Variants in ZBTB20 observed in about 807,000 individuals in gnomAD.
ZBTB20 encodes the protein zinc finger and BTB domain containing 20.
ZBTB20 carries 9 observed loss-of-function variants against 56.9 expected under a neutral mutation model. The ratio of observed to expected loss-of-function variants is 0.16; its 90% confidence interval spans 0.10 to 0.28. ZBTB20 has a LOEUF of 0.28. Ranked by LOEUF, ZBTB20 falls within the 10% of genes least tolerant of loss-of-function variation. The pLI is 1.00. For missense variants in ZBTB20, 655 were observed against 1,003.0 expected, an observed-to-expected ratio of 0.65 and a Z score of 4.69; for synonymous variants, 417 against 420.7, an observed-to-expected ratio of 0.99 and a Z score of 0.11.
chr3:114,492,225 A>G (rs1052631512), intron 7 of ZBTB20, among the ~76,000 whole-genome samples: 12 of 152,088 alleles, frequency 7.9e-5, no homozygotes, highest in African/African-American at 2.9e-4. Context: ...ATTTACCACT[A>G]TATGTCGATT....
intron 4 of ZBTB20, among the ~76,000 whole-genome samples, chr3:114,807,466 T>C (rs1042612498): frequency 6.6e-6 from 1 of 151,834 alleles, no homozygotes; most frequent in Admixed American, 6.6e-5. Context: ...CTTTTTTTTT[T>C]CCTCTAATTT....
intron 6 of ZBTB20, among the ~76,000 whole-genome samples, chr3:114,602,699 A>G (rs2056852799): frequency 6.6e-6 from 1 of 152,014 alleles, no homozygotes; most frequent in East Asian, 1.9e-4. Context: ...TGAAGACAAA[A>G]TATAGAGGAA....
chr3:114,705,313 A>G (rs1014414251), intron 5 of ZBTB20, among the ~76,000 whole-genome samples: 2 of 152,214 alleles, frequency 1.3e-5, no homozygotes, highest in Non-Finnish European at 2.9e-5. Context: ...TAGAGCAGGT[A>G]TAAGTTACAT....
At chr3:114,502,985 A>G (rs894973493) in intron 6 of ZBTB20, 4 of 152,194 alleles carry the variant, frequency 2.6e-5, no homozygotes, top group Non-Finnish European at 5.9e-5. Context: ...CTAAAATTAT[A>G]CCTAGTGTTT....
intron 7 of ZBTB20, among the ~76,000 whole-genome samples, chr3:114,483,096 T>C (rs942025429): frequency 1.1e-4 from 16 of 152,330 alleles, no homozygotes; most frequent in Admixed American, 1.3e-4. Flanking sequence ...TGAAGAGCCT[T>C]GACAGCATCT....
intron 5 of ZBTB20, among the ~76,000 whole-genome samples, chr3:114,799,439 T>C (rs1050992061): frequency 7.2e-5 from 11 of 151,764 alleles, no homozygotes; most frequent in African/African-American, 2.4e-4. Flanking sequence ...AGCAGAAAGG[T>C]TGTGTTTGGC....
chr3:114,984,974 G>C (rs1277294469), intron 2 of ZBTB20, among the ~76,000 whole-genome samples: 1 of 151,872 alleles, frequency 6.6e-6, no homozygotes, highest in Non-Finnish European at 1.5e-5. Context: ...TTTCATGATG[G>C]CTTCCCCTTC....
intron 1 of ZBTB20, among the ~76,000 whole-genome samples, chr3:115,113,471 T>C (rs1417854758): frequency 6.6e-6 from 1 of 152,234 alleles, no homozygotes; most frequent in Non-Finnish European, 1.5e-5. Flanking sequence ...CTCCTGCTTT[T>C]GGCACTGAAA....
intron 6 of ZBTB20, among the ~76,000 whole-genome samples, chr3:114,517,226 A>G (rs951940363): frequency 1.3e-5 from 2 of 152,232 alleles, no homozygotes; most frequent in South Asian, 4.1e-4. Context: ...TGTGTCAGAC[A>G]TCGTTCTAGG....
rs1486365342 is a variant in ZBTB20 at position 114,332,152 on chromosome 3, G to T, written c.*6853C>A. 6.7e-6 allele frequency: 1 copy of T among 149,068 alleles called. No homozygotes were observed. The highest frequency in any genetic ancestry group is 2.5e-5 in the African/African-American group (1 of 40,342). 9.2% of individuals were successfully genotyped at this position (149,068 alleles called of 1,614,324 possible). A position where few individuals can be genotyped will look rare whatever the true frequency, so the allele number is the denominator to read the frequency against. Reference sequence around the variant, plus strand: ...AAGAAACCTCTGAATTTGAAACAGGGTTAGTAGGGACTTTTATACCCAGCT... The same window carrying T: ...AAGAAACCTCTGAATTTGAAACAGGTTTAGTAGGGACTTTTATACCCAGCT... On this transcript the variant is annotated 3_prime_UTR_variant, in exon 12 of 12. Transcript: ENST00000675478.
At chr3:114,605,916 A>G (rs892591337) in intron 6 of ZBTB20, among the ~76,000 whole-genome samples, 1 of 152,164 alleles carries the variant, frequency 6.6e-6, no homozygotes, top group African/African-American at 2.4e-5. Context: ...GATGGTTGGG[A>G]ATGCCAAGAA....
intron 5 of ZBTB20, among the ~76,000 whole-genome samples, chr3:114,753,604 T>C (rs2067775389): frequency 6.6e-6 from 1 of 151,742 alleles, no homozygotes; most frequent in South Asian, 2.1e-4. Flanking sequence ...CCAGCTAATT[T>C]TGCATTTTTA....
intron 7 of ZBTB20, among the ~76,000 whole-genome samples, chr3:114,410,780 A>G (rs1410018643): frequency 6.6e-6 from 1 of 152,134 alleles, no homozygotes; most frequent in African/African-American, 2.4e-5. Flanking sequence ...ATAGCTAACT[A>G]ATGATGAATG....
intron 5 of ZBTB20, among the ~76,000 whole-genome samples, chr3:114,770,036 G>A (rs1578788886): frequency 6.6e-6 from 1 of 151,816 alleles, no homozygotes; most frequent in Admixed American, 6.6e-5. Context: ...TCCAGCCTGG[G>A]CAACAGAGCA....
At position 114,335,546 on chromosome 3, in the gene ZBTB20, T is replaced by C. The variant is rs956424959; in HGVS notation, c.*3459A>G. 1 of 152,196 alleles carries C rather than the reference T, an allele frequency of 6.6e-6. No homozygotes were observed. The highest frequency in any genetic ancestry group is 2.1e-4 in the South Asian group (1 of 4,832). 9.4% of individuals were successfully genotyped at this position (152,196 alleles called of 1,614,324 possible). ...CTAAAATGTGGGTCAGTTTGGAAAG[T>C]GGCCATTTGATGGGCCAGGAACATA... On this transcript the variant is annotated 3_prime_UTR_variant, in exon 12 of 12. Transcript: ENST00000675478.
At chr3:114,904,932 A>G (rs777874914) in intron 3 of ZBTB20, among the ~76,000 whole-genome samples, 5 of 151,992 alleles carry the variant, frequency 3.3e-5, no homozygotes, top group Non-Finnish European at 7.4e-5. Flanking sequence ...ATAAAGCTAT[A>G]AAATCCACGA....
At chr3:114,508,630 T>C (rs1017556591) in intron 6 of ZBTB20, among the ~76,000 whole-genome samples, 2 of 152,162 alleles carry the variant, frequency 1.3e-5, no homozygotes, top group African/African-American at 4.8e-5. Context: ...CCTTTGAGTG[T>C]TATTCGAATC....
chr3:115,065,878 G>A (rs1243261396), intron 2 of ZBTB20, among the ~76,000 whole-genome samples: 1 of 152,160 alleles, frequency 6.6e-6, no homozygotes, highest in Non-Finnish European at 1.5e-5. Context: ...TAGTGACTCA[G>A]AAGACTCCCA....
At chr3:114,756,333 A>G (rs1280311321) in intron 5 of ZBTB20, among the ~76,000 whole-genome samples, 1 of 152,288 alleles carries the variant, frequency 6.6e-6, no homozygotes, top group East Asian at 1.9e-4. Context: ...AAATTAAAAT[A>G]CCACCATGAA....
Sources: gnomAD v4.1 joint callset for allele counts (sites outside exome capture counted in the v4.1 genomes callset) on GRCh38, gnomAD v4.1.1 for gene constraint, MANE v1.5 for transcripts, NCBI Gene and HGNC (gene_info 2026-07-23, HGNC 2026-07-21) for gene names.